Variants in MAPKAP1 observed in about 807,000 individuals in gnomAD.
The protein encoded by MAPKAP1 is MAPK associated protein 1, also known as target of rapamycin complex 2 subunit MAPKAP1.
In MAPKAP1, 20 loss-of-function variants were observed where a neutral mutation model predicts 65.7. The observed-to-expected ratio is 0.30, with a 90% CI of 0.21 to 0.44. The LOEUF (loss-of-function observed/expected upper bound fraction) is 0.44, where lower values mean the gene tolerates loss of function less well. MAPKAP1 is among the 20% of genes least tolerant of loss of function. The pLI, the probability that MAPKAP1 is intolerant of heterozygous loss-of-function variation, is 1.00. For missense variants in MAPKAP1, 423 were observed against 648.0 expected (o/e 0.65, Z 3.77); for synonymous variants, 222 against 244.3 (o/e 0.91, Z 0.85).
chr9:125,533,237 A>G (rs1449472761), intron 7 of MAPKAP1, among the ~76,000 whole-genome samples: 5 of 152,196 alleles, frequency 3.3e-5, no homozygotes, highest in African/African-American at 1.2e-4. Context: ...GTGACTGACC[A>G]AAGAACTATC....
intron 7 of MAPKAP1, chr9:125,521,483 C>A: frequency 8.0e-7 from 1 of 1,246,032 alleles, no homozygotes; most frequent in Non-Finnish European, 1.0e-6. Flanking sequence ...TGGAAATAAA[C>A]AGTCATTTAT....
At chr9:125,576,384 T>G (rs956198591) in intron 5 of MAPKAP1, among the ~76,000 whole-genome samples, 1 of 152,226 alleles carries the variant, frequency 6.6e-6, no homozygotes, top group African/African-American at 2.4e-5. Context: ...AGGATATGTA[T>G]GGGAACTCAC....
intron 1 of MAPKAP1, among the ~76,000 whole-genome samples, chr9:125,706,087 G>T (rs921189792): frequency 6.6e-6 from 1 of 152,096 alleles, no homozygotes; most frequent in Non-Finnish European, 1.5e-5. Context: ...TGAAAAACAT[G>T]AAAACAATTA....
At position 125,657,743 on chromosome 9, in the gene MAPKAP1, A is replaced by C; in HGVS notation, c.406T>G (p.Ser136Ala). The C allele has an allele frequency of 2.5e-6, 4 of 1,614,004 alleles. No individual in the cohort carries two copies. Among genetic ancestry groups the C allele is most frequent in the Non-Finnish European group, 3.4e-6 (4 of 1,179,882 alleles). Residue 136 changes from serine (S) to alanine (A), a missense_variant, in exon 4 of 12, where the codon TCT (serine) becomes GCT (alanine). Transcript: ENST00000265960. ...ACAGATAATATCGACTGCTTCCCAG[A>C]AATTGGAGGCTTCTCTTTGAGAGAT... is the stretch of plus-strand genomic sequence containing the variant. ...KKSLKEKPPI[S>A]GKQSILSVRL...
chr9:125,704,266 T>TC, intron 1 of MAPKAP1, among the ~76,000 whole-genome samples: 1 of 152,208 alleles, frequency 6.6e-6, no homozygotes, highest in Non-Finnish European at 1.5e-5. Flanking sequence ...ATTCAAGGTC[T>TC]CTGTGCCCCA....
intron 8 of MAPKAP1, among the ~76,000 whole-genome samples, chr9:125,502,955 T>A (rs1165698398): frequency 1.3e-5 from 2 of 152,132 alleles, no homozygotes; most frequent in African/African-American, 4.8e-5. Context: ...TTTGAGCATA[T>A]AGGTTTAGAA....
chr9:125,594,409 G>A (rs1016872981), intron 4 of MAPKAP1, among the ~76,000 whole-genome samples: 2 of 152,160 alleles, frequency 1.3e-5, no homozygotes, highest in African/African-American at 2.4e-5. Context: ...GGCCCAGGTC[G>A]GAATCCTGGC....
At chr9:125,564,395 C>T (rs1166002984) in intron 5 of MAPKAP1, among the ~76,000 whole-genome samples, 3 of 152,212 alleles carry the variant, frequency 2.0e-5, no homozygotes, top group African/African-American at 4.8e-5. Flanking sequence ...ATTTTATACA[C>T]TTTCCAAATA....
chr9:125,450,099 T>C (rs951529579), intron 10 of MAPKAP1, among the ~76,000 whole-genome samples: 1 of 152,024 alleles, frequency 6.6e-6, no homozygotes, highest in Non-Finnish European at 1.5e-5. Context: ...TCATTTTTTT[T>C]ACTTTCCATC....
intron 10 of MAPKAP1, among the ~76,000 whole-genome samples, chr9:125,458,030 G>A (rs867620084): frequency 6.6e-6 from 1 of 152,154 alleles, no homozygotes; most frequent in African/African-American, 2.4e-5. Context: ...GCGAAAATCT[G>A]GAGAAAAGCT....
intron 1 of MAPKAP1, among the ~76,000 whole-genome samples, chr9:125,680,987 G>C (rs1834805720): frequency 6.6e-6 from 1 of 152,198 alleles, no homozygotes; most frequent in Non-Finnish European, 1.5e-5. Flanking sequence ...CTTACCATGA[G>C]ATGTACTAAT....
intron 10 of MAPKAP1, among the ~76,000 whole-genome samples, chr9:125,453,463 G>C (rs562996201): frequency 6.6e-6 from 1 of 152,358 alleles, no homozygotes; most frequent in East Asian, 1.9e-4. Flanking sequence ...TATAGTTTTG[G>C]TTAAAGTAAA....
intron 8 of MAPKAP1, among the ~76,000 whole-genome samples, chr9:125,491,712 T>C (rs1311447842): frequency 6.6e-6 from 1 of 151,020 alleles, no homozygotes; most frequent in Non-Finnish European, 1.5e-5. Flanking sequence ...GCCTAGGAGG[T>C]GGAGGTTGCA....
At chr9:125,637,831 G>C (rs1186753684) in intron 4 of MAPKAP1, among the ~76,000 whole-genome samples, 3 of 152,190 alleles carry the variant, frequency 2.0e-5, no homozygotes, top group Non-Finnish European at 4.4e-5. Context: ...GGAGTGCAGT[G>C]GCGCAGTCTC....
chr9:125,544,021 C>A (rs902841764), intron 6 of MAPKAP1, among the ~76,000 whole-genome samples: 1 of 140,010 alleles, frequency 7.1e-6, no homozygotes, highest in African/African-American at 2.5e-5. Context: ...TTTATTCATA[C>A]ACACACTTTT....
chr9:125,560,273 T>C (rs1406987268), intron 5 of MAPKAP1, among the ~76,000 whole-genome samples: 1 of 152,026 alleles, frequency 6.6e-6, no homozygotes, highest in East Asian at 1.9e-4. Context: ...TCAGAGGCCT[T>C]TGATTTATGG....
At chr9:125,484,399 C>A (rs1232099708) in intron 9 of MAPKAP1, 44 bp downstream of exon 9, 1 of 1,568,694 alleles carries the variant, frequency 6.4e-7, no homozygotes, top group Non-Finnish European at 8.7e-7. Context: ...TCTACACCGA[C>A]TGCTGACACG....
At chr9:125,618,670 T>C (rs1832812570) in intron 4 of MAPKAP1, among the ~76,000 whole-genome samples, 2 of 152,344 alleles carry the variant, frequency 1.3e-5, no homozygotes, top group African/African-American at 2.4e-5. Context: ...ATTTGTTTGA[T>C]ATGTGCAGTG....
In MAPKAP1 at chr9:125,468,024, T is replaced by C. The variant is rs891120954; in HGVS notation, c.1293A>G (p.Ser431=). The change falls in exon 10 of 12, where the codon TCA becomes TCG. Residue 431 remains serine, a synonymous_variant. Coordinates refer to ENST00000265960, the MANE Select transcript of MAPKAP1 (RefSeq NM_001006617.3). ...AGGCACAGAGCAGGTCGGAATCGAT[T>C]GAGATGGGTTTCTGCTTAATCCAAA... The part of the protein sequence containing the change: ...TKFWIKQKPI[S]IDSDLLCACD... The C allele has an allele frequency of 2.5e-6, 4 of 1,613,740 alleles. No individual in the cohort carries two copies. In the Admixed American group the frequency reaches 6.7e-5, roughly 27 times the overall value.
Sources: gnomAD v4.1 joint callset for allele counts (sites outside exome capture counted in the v4.1 genomes callset) on GRCh38, gnomAD v4.1.1 for gene constraint, MANE v1.5 for transcripts, NCBI Gene and HGNC (gene_info 2026-07-23, HGNC 2026-07-21) for gene names.